HGD: variants seen among roughly 807,000 people sequenced by gnomAD.
HGD encodes homogentisate oxidase.
Under a neutral mutation model 60.8 loss-of-function variants are expected in HGD, and 61 were observed. That is an observed-to-expected ratio of 1.00 (90% CI 0.82 to 1.24). The LOEUF (loss-of-function observed/expected upper bound fraction) is 1.24, where lower values mean the gene tolerates loss of function less well. HGD is among the 50% of genes most tolerant of loss of function. The pLI is 0.00. For missense variants in HGD, 542 were observed against 547.1 expected (o/e 0.99, Z 0.09); for synonymous variants, 212 against 187.7 (o/e 1.13, Z -1.06).
At chr3:120,645,527 C>T (rs1941131014) in intron 9 of HGD, among the ~76,000 whole-genome samples, 1 of 152,136 alleles carries the variant, frequency 6.6e-6, no homozygotes, top group African/African-American at 2.4e-5. Flanking sequence ...TCCAGCTTGC[C>T]AGAAGAATGG....
At chr3:120,634,622 T>C (rs1279892418) in intron 12 of HGD, among the ~76,000 whole-genome samples, 1 of 152,220 alleles carries the variant, frequency 6.6e-6, no homozygotes, top group Non-Finnish European at 1.5e-5. Context: ...TTAAAGCTAC[T>C]CATAGTCTGT....
intron 4 of HGD, among the ~76,000 whole-genome samples, chr3:120,659,557 C>T (rs1266528836): frequency 6.6e-6 from 1 of 152,166 alleles, no homozygotes; most frequent in Non-Finnish European, 1.5e-5. Context: ...TCACTATTGG[C>T]ATTTTTGTCA....
intron 4 of HGD, among the ~76,000 whole-genome samples, chr3:120,664,058 A>G (rs1707840326): frequency 6.6e-6 from 1 of 152,136 alleles, no homozygotes; most frequent in Admixed American, 6.5e-5. Context: ...GAACTCCAGT[A>G]TTGCCATGGA....
At chr3:120,630,843 T>C (rs200614284) in intron 13 of HGD, among the ~76,000 whole-genome samples, 1,202 of 116,214 alleles carry the variant, frequency 0.01, 17 homozygotes, top group Admixed American at 0.034. Context: ...CACACACACA[T>C]ACACACACAC....
At chr3:120,677,823 CT>C (rs1708160328) in intron 1 of HGD, 1 of 152,214 alleles carries the variant, frequency 6.6e-6, no homozygotes, top group Non-Finnish European at 1.5e-5. Flanking sequence ...GGATGCCCGG[CT>C]TTAAAATTTC....
chr3:120,659,020 G>A (rs767893495), intron 4 of HGD, among the ~76,000 whole-genome samples: 2 of 152,190 alleles, frequency 1.3e-5, no homozygotes, highest in African/African-American at 2.4e-5. Context: ...GGCCTGTGAT[G>A]GGATGAACTG....
chr3:120,644,153 A>C (rs564267740), intron 10 of HGD, among the ~76,000 whole-genome samples, 166 bp downstream of exon 10: 2 of 152,352 alleles, frequency 1.3e-5, no homozygotes, highest in Admixed American at 6.5e-5. Context: ...TTCCATGACT[A>C]TGAAAGTATA....
At chr3:120,659,941 A>T (rs2320006) in intron 4 of HGD, among the ~76,000 whole-genome samples, 2 of 123,778 alleles carry the variant, frequency 1.6e-5, no homozygotes, top group African/African-American at 5.6e-5. Flanking sequence ...AGCAAGAGAG[A>T]GTGGGGGGTG....
chr3:120,661,172 G>A (rs1707759375), intron 4 of HGD, among the ~76,000 whole-genome samples: 1 of 152,116 alleles, frequency 6.6e-6, no homozygotes, highest in Non-Finnish European at 1.5e-5. Flanking sequence ...ATCTTAGCCT[G>A]TCTTGACCTG....
At chr3:120,648,305 T>G (rs1282466125) in intron 6 of HGD, among the ~76,000 whole-genome samples, 3 of 152,184 alleles carry the variant, frequency 2.0e-5, no homozygotes, top group African/African-American at 7.2e-5. Flanking sequence ...GAACAGCAAG[T>G]GCAAGTGCTT....
At chr3:120,629,239 T>G (rs1350459517) in intron 13 of HGD, among the ~76,000 whole-genome samples, 7 of 152,194 alleles carry the variant, frequency 4.6e-5, no homozygotes, top group Non-Finnish European at 7.3e-5. Context: ...CTTCATCAAT[T>G]GCTGACTTTT....
At chr3:120,672,460 C>T (rs915207978) in intron 3 of HGD, among the ~76,000 whole-genome samples, 3 of 152,200 alleles carry the variant, frequency 2.0e-5, no homozygotes, top group Non-Finnish European at 4.4e-5. Context: ...CCTGAATCAA[C>T]AGGCTCTGGC....
intron 4 of HGD, among the ~76,000 whole-genome samples, chr3:120,660,621 T>C (rs917401817): frequency 6.6e-6 from 1 of 152,160 alleles, no homozygotes; most frequent in Non-Finnish European, 1.5e-5. Context: ...GATGAGGAGT[T>C]CGAGACCAGC....
chr3:120,633,521 G>A, intron 12 of HGD, 193 bp from the exon 13 acceptor site: 2 of 1,504,616 alleles, frequency 1.3e-6, no homozygotes, highest in East Asian at 2.6e-5. Flanking sequence ...GGCAGGCACA[G>A]CTCTACTCCA....
intron 6 of HGD, among the ~76,000 whole-genome samples, chr3:120,649,135 T>C (rs903214756): frequency 7.3e-6 from 1 of 137,174 alleles, no homozygotes; most frequent in African/African-American, 2.6e-5. Context: ...TTTTTCTTCT[T>C]TTTCTTTTTT....
At chr3:120,659,961 TG>T (rs1941613454) in intron 4 of HGD, among the ~76,000 whole-genome samples, 1 of 142,874 alleles carries the variant, frequency 7.0e-6, no homozygotes. Context: ...GGTTGCATAA[TG>T]GGGGTGGATT....
chr3:120,663,800 TTATAA>T (rs201947081), intron 4 of HGD, among the ~76,000 whole-genome samples: 13,711 of 151,674 alleles, frequency 0.09, 756 homozygotes, highest in Middle Eastern at 0.16. Flanking sequence ...ATTTATTGGA[TTATAA>T]TATAATATCA....
chr3:120,635,983 G>C (rs1434547664), intron 12 of HGD, among the ~76,000 whole-genome samples: 1 of 151,660 alleles, frequency 6.6e-6, no homozygotes, highest in Admixed American at 6.6e-5. Flanking sequence ...GAAAAATGTA[G>C]ATTCTGGCCA....
chr3:120,652,484 GC>G, intron 5 of HGD, 107 bp downstream of exon 5: 1 of 811,010 alleles, frequency 1.2e-6, no homozygotes, highest in Admixed American at 1.9e-5. Context: ...TGTCTCTGCT[GC>G]CTCCTGATAG....
Sources: gnomAD v4.1 joint callset for allele counts (sites outside exome capture counted in the v4.1 genomes callset) on GRCh38, gnomAD v4.1.1 for gene constraint, MANE v1.5 for transcripts, NCBI Gene and HGNC (gene_info 2026-07-23, HGNC 2026-07-21) for gene names.